Variants in ORC2 observed in about 807,000 individuals in gnomAD.
ORC2 encodes origin recognition complex subunit 2.
In ORC2, 37 loss-of-function variants were observed where a neutral mutation model predicts 77.7. The ratio of observed to expected loss-of-function variants is 0.48; its 90% CI spans 0.37 to 0.63. The LOEUF (loss-of-function observed/expected upper bound fraction) is 0.63, where lower values mean the gene tolerates loss of function less well. Ranked by LOEUF, ORC2 falls within the 20% of genes least tolerant of loss-of-function variation. ORC2 has a pLI of 0.00. For synonymous variants in ORC2, 201 were observed against 229.5 expected (o/e 0.88, Z 1.12); for missense variants, 557 against 661.9 (o/e 0.84, Z 1.74).
chr2:200,946,486 C>T (rs1170544655), intron 5 of ORC2, among the ~76,000 whole-genome samples: 1 of 152,186 alleles, frequency 6.6e-6, no homozygotes, highest in Non-Finnish European at 1.5e-5. Context: ...GTCTGTTAAA[C>T]TGCGTTCCTG....
chr2:200,912,450 C>G (rs114652053), intron 17 of ORC2, among the ~76,000 whole-genome samples: 262 of 152,306 alleles, frequency 1.7e-3, no homozygotes, highest in African/African-American at 6.2e-3. Context: ...GGGTTTCACT[C>G]TGTTGCCCAG....
At chr2:200,956,252 C>T (rs941296033) in intron 4 of ORC2, among the ~76,000 whole-genome samples, 1 of 151,306 alleles carries the variant, frequency 6.6e-6, no homozygotes, top group African/African-American at 2.4e-5. Flanking sequence ...TTTTTTGAGA[C>T]AGGGTCTCAC....
At chr2:200,962,871 A>T (rs868601235) in intron 1 of ORC2, among the ~76,000 whole-genome samples, 28 of 152,232 alleles carry the variant, frequency 1.8e-4, no homozygotes, top group South Asian at 4.1e-4. Context: ...ACGTCTCAAC[A>T]TCTTTTTAAT....
At chr2:200,946,238 C>A (rs1261558533) in intron 5 of ORC2, among the ~76,000 whole-genome samples, 2 of 151,940 alleles carry the variant, frequency 1.3e-5, no homozygotes, top group East Asian at 1.9e-4. Context: ...GATCCTCTTA[C>A]CTTTTCCTCT....
chr2:200,947,700 C>CA (rs2041274707), intron 5 of ORC2, among the ~76,000 whole-genome samples: 1 of 152,164 alleles, frequency 6.6e-6, no homozygotes. Flanking sequence ...ATGACCCCCT[C>CA]ATACCACAAG....
intron 13 of ORC2, among the ~76,000 whole-genome samples, chr2:200,921,962 T>A (rs974624929): frequency 4.6e-5 from 7 of 151,790 alleles, no homozygotes; most frequent in African/African-American, 1.7e-4. Flanking sequence ...TAATAAGGCA[T>A]GGGAAATAGG....
chr2:200,913,825 TACTC>T (rs1485304966), intron 16 of ORC2, 102 bp downstream of exon 16: 37 of 1,452,284 alleles, frequency 2.5e-5, no homozygotes, highest in Non-Finnish European at 3.2e-5. Context: ...AGTGACCACT[TACTC>T]ACTGCTGTGA....
intron 8 of ORC2, among the ~76,000 whole-genome samples, chr2:200,937,478 G>A (rs1262518199): frequency 6.6e-6 from 1 of 152,096 alleles, no homozygotes; most frequent in African/African-American, 2.4e-5. Flanking sequence ...ATTATGAAAG[G>A]TGTTGACATC....
At chr2:200,938,416 C>T (rs16836038) in intron 7 of ORC2, among the ~76,000 whole-genome samples, 11,877 of 152,118 alleles carry the variant, frequency 0.078, 550 homozygotes, top group African/African-American at 0.1. Flanking sequence ...TGGCAATGGG[C>T]CTTTTAATGT....
intron 5 of ORC2, among the ~76,000 whole-genome samples, chr2:200,944,839 G>A (rs1325791295): frequency 1.3e-5 from 2 of 152,112 alleles, no homozygotes; most frequent in South Asian, 2.1e-4. Flanking sequence ...CACGCCCAGC[G>A]GTGAATCACT....
intron 15 of ORC2, among the ~76,000 whole-genome samples, chr2:200,914,587 TG>T (rs908906051): frequency 4.7e-4 from 72 of 152,088 alleles, no homozygotes; most frequent in Non-Finnish European, 1.6e-4. Context: ...GAGACCACCC[TG>T]GGCAATATAG....
In ORC2 at chr2:200,926,765, T is replaced by TA; in HGVS notation, c.1050+2dup. 6.2e-7 allele frequency: 1 copy of TA among 1,613,610 alleles called. No individual in the cohort carries two copies. Among genetic ancestry groups the TA allele is most frequent in the Non-Finnish European group, 8.5e-7 (1 of 1,179,720 alleles). On this transcript the variant is annotated splice_region_variant and intron_variant, in intron 12 of 17. Coordinates refer to ENST00000234296, the MANE Select transcript of ORC2 (RefSeq NM_006190.5). ...TTTTCCCTTTAACATTTTTGAAACT[T>TA]ACTGATTTCACACTGATTCCAGGAA...
intron 6 of ORC2, 61 bp from the exon 7 acceptor site, chr2:200,941,340 A>G: frequency 4.7e-6 from 7 of 1,495,738 alleles, no homozygotes; most frequent in Non-Finnish European, 6.5e-6. Flanking sequence ...ATTGTGGTCT[A>G]GTTTCATTAA....
chr2:200,931,153 G>C (rs534625109), intron 11 of ORC2, among the ~76,000 whole-genome samples, 186 bp downstream of exon 11: 1 of 151,954 alleles, frequency 6.6e-6, no homozygotes, highest in Non-Finnish European at 1.5e-5. Context: ...AGAATTTCTG[G>C]GAAGAGTCAT....
rs774691993 is a variant in ORC2, at chr2:200,931,435, T to C, written c.821A>G (p.Asn274Ser). Residue 274 changes from asparagine (N) to serine (S), a missense_variant, in exon 11 of 18, where the codon AAC (asparagine) becomes AGC (serine). Asn to Ser is a conservative substitution (Grantham distance 46). Transcript: ENST00000234296. ...GGAAGGGGAAACCTTGCTCAATAAG[T>C]TACGCAAAGTTTGCTTTAAAAAAAA... The part of the protein sequence containing the change: ...RAKLDQQTLR[N>S]LLSKVSPSFS... 4 of 1,553,608 alleles carry C rather than the reference T, an allele frequency of 2.6e-6. No individual in the cohort carries two copies. Among genetic ancestry groups the C allele is most frequent in the Non-Finnish European group, 3.5e-6 (4 of 1,153,318 alleles).
At chr2:200,955,815 G>A (rs1292995500) in intron 4 of ORC2, among the ~76,000 whole-genome samples, 1 of 152,086 alleles carries the variant, frequency 6.6e-6, no homozygotes, top group Non-Finnish European at 1.5e-5. Context: ...TAGGTTGTGG[G>A]GATCTGTGTT....
At position 200,933,706 on chromosome 2, in the gene ORC2, G is replaced by C. The variant is rs16835931; in HGVS notation, c.807+170C>G. 4.6e-3 allele frequency among the ~76,000 whole-genome samples: 704 copies of C among 152,074 alleles called. 4 individuals carry two copies. Among genetic ancestry groups the C allele is most frequent in the African/African-American group, 0.016 (658 of 41,448 alleles). ...TTACAGGTATGAGCCAGGTGTGCCC[G>C]GCCTATTTACTATTTATATAATAAA... On this transcript the variant is annotated intron_variant, in intron 10 of 17. Coordinates refer to ENST00000234296, the MANE Select transcript of ORC2 (RefSeq NM_006190.5).
chr2:200,944,190 T>C lies in ORC2; in HGVS notation c.329-1413A>G, dbSNP rs1364568632. ...TAAGAACAAGATAGTCTCTTTTTTT[T>C]TGAGATAGAGTCTTGCTCTGTCGCC... On this transcript the variant is annotated intron_variant, in intron 5 of 17. Transcript: ENST00000234296. Among the ~76,000 whole-genome samples, 4 of 152,164 alleles carry C rather than the reference T, an allele frequency of 2.6e-5. No individual in the cohort carries two copies. In the South Asian group the frequency reaches 8.3e-4, roughly 32 times the overall value.
chr2:200,924,338 C>G (rs1193852046), intron 13 of ORC2, among the ~76,000 whole-genome samples: 4 of 150,574 alleles, frequency 2.7e-5, no homozygotes, highest in African/African-American at 4.9e-5. Context: ...GAGAGCAAGA[C>G]TGTGTTAAAA....
Sources: gnomAD v4.1 joint callset for allele counts (sites outside exome capture counted in the v4.1 genomes callset) on GRCh38, gnomAD v4.1.1 for gene constraint, MANE v1.5 for transcripts, NCBI Gene and HGNC (gene_info 2026-07-23, HGNC 2026-07-21) for gene names.